TMC1: variants seen among roughly 807,000 people sequenced by gnomAD.
The protein encoded by TMC1 is transmembrane channel like 1, also known as transmembrane channel-like protein 1.
In TMC1, 84 loss-of-function variants were observed where a neutral mutation model predicts 105.8. That is an observed-to-expected ratio of 0.79 (90% CI 0.67 to 0.95). The LOEUF (loss-of-function observed/expected upper bound fraction) is 0.95, where lower values mean the gene tolerates loss of function less well. TMC1 is among the 40% of genes least tolerant of loss of function. TMC1 has a pLI of 0.00. For missense variants in TMC1, 817 were observed against 914.1 expected, an observed-to-expected ratio of 0.89 and a Z score of 1.37; for synonymous variants, 315 against 311.5, an observed-to-expected ratio of 1.01 and a Z score of -0.12.
chr9:72,625,559 G>T (rs1189546756), intron 3 of TMC1, among the ~76,000 whole-genome samples: 1 of 151,922 alleles, frequency 6.6e-6, no homozygotes, highest in Non-Finnish European at 1.5e-5. Flanking sequence ...GTGGTGGCGG[G>T]TGCCTATAGT....
rs142173745 is a variant in TMC1 at position 72,830,586 on chromosome 9, A to G, written c.2209-45A>G. ...TCTTTATTAATGTCAAGCAGTAGAA[A>G]ACACTGAGAAATCTACTTTTTTCCC... On this transcript the variant is annotated intron_variant, in intron 22 of 23. Coordinates refer to ENST00000297784, the MANE Select transcript of TMC1 (RefSeq NM_138691.3). The G allele has an allele frequency of 8.7e-6, 14 of 1,605,550 alleles. 1 individual carries two copies. The East Asian group carries it at 3.1e-4, about 36-fold the overall frequency.
At chr9:72,677,129 TACACACACACACACACAC>T (rs71495332) in intron 5 of TMC1, among the ~76,000 whole-genome samples, 1 of 145,126 alleles carries the variant, frequency 6.9e-6, no homozygotes, top group African/African-American at 2.5e-5. Context: ...GAACAGAAAT[TACACACACACACACACAC>T]ACACACACAC....
intron 17 of TMC1, among the ~76,000 whole-genome samples, chr9:72,795,927 C>G (rs1429004243): frequency 6.6e-6 from 1 of 151,474 alleles, no homozygotes; most frequent in East Asian, 1.9e-4. Flanking sequence ...TAATAACACC[C>G]ACACGCTAAA....
At chr9:72,725,325 G>GTATATATATATATATATATA (rs57562145) in intron 8 of TMC1, among the ~76,000 whole-genome samples, 2 of 77,668 alleles carry the variant, frequency 2.6e-5, no homozygotes, top group African/African-American at 7.7e-5. Flanking sequence ...ATGTGTGTAT[G>GTATATATATATATATATATA]TATATATATA....
intron 12 of TMC1, among the ~76,000 whole-genome samples, chr9:72,770,280 A>T (rs1046279489): frequency 6.7e-6 from 1 of 149,302 alleles, no homozygotes; most frequent in East Asian, 1.9e-4. Context: ...ACATACACAC[A>T]TATACATATA....
intron 17 of TMC1, among the ~76,000 whole-genome samples, chr9:72,802,189 T>G (rs1387181656): frequency 6.6e-6 from 1 of 151,988 alleles, no homozygotes; most frequent in Non-Finnish European, 1.5e-5. Flanking sequence ...GTCCAGGAGT[T>G]CCAGGTCAGC....
chr9:72,749,628 A>G (rs1282065560), intron 10 of TMC1, among the ~76,000 whole-genome samples: 1 of 152,106 alleles, frequency 6.6e-6, no homozygotes. Flanking sequence ...CACCCTTAGA[A>G]ACCTTATAGA....
chr9:72,626,233 G>T (rs1157872908), intron 3 of TMC1, among the ~76,000 whole-genome samples: 1 of 152,142 alleles, frequency 6.6e-6, no homozygotes, highest in Non-Finnish European at 1.5e-5. Flanking sequence ...CTCCAGATTT[G>T]TAAGTAAAAT....
In TMC1 at chr9:72,766,416, C is replaced by CAA. The variant is rs397894474; in HGVS notation, c.742-5980_742-5979dup. 3.2e-4 allele frequency among the ~76,000 whole-genome samples: 22 copies of CAA among 68,630 alleles called. No individual in the cohort carries two copies. In the East Asian group the frequency reaches 5.1e-3, roughly 16 times the overall value. The allele number at this position is 68,630 out of a possible 152,430, so 45.0% of individuals were successfully genotyped here. On this transcript the variant is annotated intron_variant, in intron 12 of 23. Coordinates refer to ENST00000297784, the MANE Select transcript of TMC1 (RefSeq NM_138691.3). ...TGGGTGACACGGTGAGACTCTGTCTCAAAAAAAAAAAAAAAAAAGTATTAG... is the reference window on the plus strand; with the variant it reads ...TGGGTGACACGGTGAGACTCTGTCTCAAAAAAAAAAAAAAAAAAAAGTATTAG...
At chr9:72,750,179 T>C (rs943951547) in intron 10 of TMC1, among the ~76,000 whole-genome samples, 1 of 152,302 alleles carries the variant, frequency 6.6e-6, no homozygotes, top group Middle Eastern at 3.4e-3. Flanking sequence ...GCCGGCCTCA[T>C]CTAAGTAAGT....
intron 4 of TMC1, among the ~76,000 whole-genome samples, chr9:72,648,084 C>CT (rs1825743618): frequency 6.6e-6 from 1 of 152,160 alleles, no homozygotes; most frequent in African/African-American, 2.4e-5. Context: ...ACTATGCCCC[C>CT]AGGTTTCCCG....
At chr9:72,645,555 T>C (rs1825696490) in intron 4 of TMC1, among the ~76,000 whole-genome samples, 1 of 152,096 alleles carries the variant, frequency 6.6e-6, no homozygotes, top group Non-Finnish European at 1.5e-5. Flanking sequence ...TTCTGGAGGG[T>C]CAAAGAACAA....
At position 72,607,000 on chromosome 9, in the gene TMC1, TATAGAG is replaced by T. The variant is rs1350048573; in HGVS notation, c.-305-9366_-305-9361del. ...GTGTGTGCATATATATATATATATA[TATAGAG>T]AGAGAGAGAGAGAGAGAGAGAAAGA... is the stretch of plus-strand genomic sequence containing the variant. On this transcript the variant is annotated intron_variant, in intron 2 of 23. Transcript: ENST00000297784. Among the ~76,000 whole-genome samples, 223 of 128,732 alleles carry T rather than the reference TATAGAG, an allele frequency of 1.7e-3. 1 individual carries two copies. Among genetic ancestry groups the T allele is most frequent in the African/African-American group, 4.7e-3 (160 of 33,758 alleles). The allele number at this position is 128,732 out of a possible 152,430, so 84.5% of individuals were successfully genotyped here.
chr9:72,608,154 A>G (rs1824956778), intron 2 of TMC1, among the ~76,000 whole-genome samples: 1 of 152,200 alleles, frequency 6.6e-6, no homozygotes, highest in Admixed American at 6.5e-5. Context: ...TGGCTCCATA[A>G]GAAGCACAGA....
chr9:72,675,753 T>G (rs1214177854), intron 5 of TMC1, among the ~76,000 whole-genome samples: 7 of 152,198 alleles, frequency 4.6e-5, no homozygotes, highest in African/African-American at 1.7e-4. Flanking sequence ...CTTGGCAGAC[T>G]GTCAAGCTCT....
chr9:72,687,220 C>T (rs1423153471), intron 5 of TMC1, among the ~76,000 whole-genome samples: 3 of 152,158 alleles, frequency 2.0e-5, no homozygotes, highest in African/African-American at 7.2e-5. Flanking sequence ...TTGTGCATAT[C>T]GCAAAGTAGG....
chr9:72,708,399 A>C (rs1826780058), intron 8 of TMC1, among the ~76,000 whole-genome samples: 1 of 152,164 alleles, frequency 6.6e-6, no homozygotes, highest in Non-Finnish European at 1.5e-5. Context: ...CCACATTAGC[A>C]TGGATGTATT....
At chr9:72,634,579 G>A (rs377317618) in intron 4 of TMC1, among the ~76,000 whole-genome samples, 1 of 152,166 alleles carries the variant, frequency 6.6e-6, no homozygotes. Flanking sequence ...AAAAAAGGCA[G>A]TTAGCTTGTG....
chr9:72,648,504 G>C (rs1315524313), intron 4 of TMC1, 93 bp from the exon 5 acceptor site: 1 of 743,674 alleles, frequency 1.3e-6, no homozygotes, highest in Non-Finnish European at 2.4e-6. Flanking sequence ...GTTTCAGATG[G>C]TGAAATGGCA....
Sources: allele counts gnomAD v4.1 joint callset (sites outside exome capture counted in the v4.1 genomes callset), GRCh38; gene constraint gnomAD v4.1.1; transcripts MANE v1.5; gene names NCBI Gene and HGNC (gene_info 2026-07-23, HGNC 2026-07-21).